SLC26A4: variants seen among roughly 807,000 people sequenced by gnomAD.
SLC26A4 encodes the protein solute carrier family 26 member 4.
A neutral mutation model predicts 90.4 loss-of-function variants in SLC26A4; 93 were observed. The ratio of observed to expected loss-of-function variants is 1.03; its 90% confidence interval spans 0.87 to 1.22. SLC26A4 has a LOEUF of 1.22. SLC26A4 is among the 50% of genes most tolerant of loss of function. SLC26A4 has a pLI of 0.00. For synonymous variants in SLC26A4, 393 were observed against 354.6 expected (o/e 1.11, Z -1.22); for missense variants, 1,127 against 946.2 (o/e 1.19, Z -2.51).
intron 17 of SLC26A4, among the ~76,000 whole-genome samples, chr7:107,703,946 C>T (rs576676209): frequency 2.0e-5 from 3 of 152,160 alleles, no homozygotes; most frequent in Non-Finnish European, 4.4e-5. Flanking sequence ...CACTGACATT[C>T]AAAATAGAGG....
intron 6 of SLC26A4, among the ~76,000 whole-genome samples, chr7:107,676,673 C>T (rs953506968): frequency 1.3e-5 from 2 of 152,038 alleles, no homozygotes; most frequent in Non-Finnish European, 2.9e-5. Flanking sequence ...TTTAAAGACC[C>T]ACCTATTAGC....
intron 10 of SLC26A4, chr7:107,691,688 T>C (rs1791583526): frequency 2.7e-6 from 1 of 367,934 alleles, no homozygotes. Context: ...TAATGGATCT[T>C]GTGACAGACT....
At chr7:107,686,964 C>T (rs1249784573) in intron 8 of SLC26A4, among the ~76,000 whole-genome samples, 3 of 152,110 alleles carry the variant, frequency 2.0e-5, no homozygotes, top group African/African-American at 7.2e-5. Context: ...GGTTTTTTTC[C>T]TGGCTGCTTT....
rs370827220 is a variant in SLC26A4 at position 107,701,804 on chromosome 7, T to C, written c.1804-23T>C. 8.3e-5 allele frequency: 116 copies of C among 1,394,282 alleles called. No homozygotes were observed. The highest frequency in any genetic ancestry group is 1.5e-4 in the Admixed American group (9 of 59,694). 86.4% of individuals were successfully genotyped at this position (1,394,282 alleles called of 1,614,324 possible). ...AGATTTCAAATCTTTGACAATTAAG[T>C]TGACAGTGTTTTCTTCGTTTAGAAT... On this transcript the variant is annotated intron_variant, in intron 16 of 20. Coordinates refer to ENST00000644269, the MANE Select transcript of SLC26A4 (RefSeq NM_000441.2).
rs753688008 is a variant in SLC26A4, at chr7:107,683,254, C to T, written c.818C>T (p.Thr273Ile). The T allele has an allele frequency of 4.3e-6, 7 of 1,613,112 alleles. No individual in the cohort carries two copies. In the East Asian group the frequency reaches 1.3e-4, roughly 31 times the overall value. ...NIGDTNLADF[T>I]AGLLTIVVCM... Reference sequence around the variant, plus strand: ...GGTGATACCAATCTTGCTGATTTCACTGCTGGATTGCTCACCATTGTCGTC... The same window carrying T: ...GGTGATACCAATCTTGCTGATTTCATTGCTGGATTGCTCACCATTGTCGTC... The change falls in exon 7 of 21, where the codon ACT becomes ATT. Residue 273 changes from threonine (T) to isoleucine (I), a missense_variant. Physicochemically the swap from Thr to Ile is moderately conservative, Grantham distance 89 (BLOSUM62 -1). Coordinates refer to ENST00000644269, the MANE Select transcript of SLC26A4 (RefSeq NM_000441.2).
chr7:107,684,310 A>G (rs1418261419), intron 8 of SLC26A4, among the ~76,000 whole-genome samples: 1 of 152,192 alleles, frequency 6.6e-6, no homozygotes, highest in Non-Finnish European at 1.5e-5. Context: ...ATCAAGAAGT[A>G]CTAGTTTTCC....
At chr7:107,704,144 G>C (rs1791974502) in intron 17 of SLC26A4, among the ~76,000 whole-genome samples, 187 bp from the exon 18 acceptor site, 1 of 152,158 alleles carries the variant, frequency 6.6e-6, no homozygotes, top group South Asian at 2.1e-4. Flanking sequence ...CATCTCTTGA[G>C]ATATAATCCT....
At chr7:107,693,309 T>G (rs1307408595) in intron 10 of SLC26A4, 2 of 985,334 alleles carry the variant, frequency 2.0e-6, no homozygotes, top group East Asian at 1.1e-4. Context: ...CAAAGCACGC[T>G]TTTTAGTACC....
At chr7:107,690,275 C>CA (rs1562833335) in intron 10 of SLC26A4, 38 bp downstream of exon 10, 1 of 1,229,496 alleles carries the variant, frequency 8.1e-7, no homozygotes, top group Non-Finnish European at 1.2e-6. Flanking sequence ...TCTCAGAGAA[C>CA]AAGTCGAGGA....
At chr7:107,699,937 A>T (rs1488954846) in intron 14 of SLC26A4, 146 bp from the exon 15 acceptor site, 1 of 641,476 alleles carries the variant, frequency 1.6e-6, no homozygotes, top group African/African-American at 1.9e-5. Flanking sequence ...CAAAAAAAAA[A>T]AAAAAAGAAA....
intron 4 of SLC26A4, 118 bp downstream of exon 4, chr7:107,672,366 ACTTT>A (rs1317425518): frequency 1.4e-3 from 412 of 293,678 alleles, no homozygotes; most frequent in South Asian, 8.0e-3. Flanking sequence ...TCACAATTAT[ACTTT>A]TAATTGTGAA....
chr7:107,692,490 A>T (rs78135467), intron 10 of SLC26A4, among the ~76,000 whole-genome samples: 1 of 152,330 alleles, frequency 6.6e-6, no homozygotes, highest in East Asian at 1.9e-4. Context: ...GTAAATGCTC[A>T]TTGTTTCACT....
rs148479436 is a variant in SLC26A4, at chr7:107,684,835, G to A, written c.1001+1298G>A. Among the ~76,000 whole-genome samples, 779 of 152,278 alleles carry A rather than the reference G, an allele frequency of 5.1e-3. 5 individuals are homozygous for A. The highest frequency in any genetic ancestry group is 0.017 in the African/African-American group (727 of 41,556). ...TTAGTTAGAAACAATTACAGAAAAA[G>A]ATACTTTACAGATCTCTTTTGTCAG... On this transcript the variant is annotated intron_variant, in intron 8 of 20. Coordinates refer to ENST00000644269, the MANE Select transcript of SLC26A4 (RefSeq NM_000441.2).
Position 107,661,865 on chromosome 7 carries a change from G to A in SLC26A4, c.164+60G>A. 2.0e-6 allele frequency: 3 copies of A among 1,496,504 alleles called. No individual in the cohort carries two copies. Among genetic ancestry groups the A allele is most frequent in the Non-Finnish European group, 1.8e-6 (2 of 1,119,654 alleles). 92.7% of individuals were successfully genotyped at this position (1,496,504 alleles called of 1,614,324 possible). A position where few individuals can be genotyped will look rare whatever the true frequency, so the allele number is the denominator to read the frequency against. On this transcript the variant is annotated intron_variant, in intron 2 of 20. Coordinates refer to ENST00000644269, the MANE Select transcript of SLC26A4 (RefSeq NM_000441.2). The surrounding 1 kb of genome is among the most constrained non-coding windows in gnomAD (Gnocchi z 5.1). ...GAGCGGGGCGTCCACGCCTTGGGGA[G>A]GGAAGGGCGTCCCCAGCGGGCGAGA...
At chr7:107,683,160 G>T (rs372247354) in intron 6 of SLC26A4, 42 bp from the exon 7 acceptor site, 2 of 1,510,556 alleles carry the variant, frequency 1.3e-6, no homozygotes, top group Non-Finnish European at 1.8e-6. Context: ...GCTCGTGTGC[G>T]TGTAGCAGCA....
chr7:107,669,122 T>C (rs1790795608), intron 3 of SLC26A4, among the ~76,000 whole-genome samples: 1 of 152,126 alleles, frequency 6.6e-6, no homozygotes, highest in Non-Finnish European at 1.5e-5. Context: ...CACCCCCAGC[T>C]AATTTGTGTA....
At chr7:107,671,684 T>G (rs748995673) in intron 3 of SLC26A4, among the ~76,000 whole-genome samples, 3 of 152,182 alleles carry the variant, frequency 2.0e-5, no homozygotes, top group Admixed American at 6.5e-5. Flanking sequence ...AACTGTAAAT[T>G]GAGAGTATCT....
At chr7:107,672,955 C>A (rs1790915280) in intron 4 of SLC26A4, among the ~76,000 whole-genome samples, 1 of 152,188 alleles carries the variant, frequency 6.6e-6, no homozygotes, top group Non-Finnish European at 1.5e-5. Context: ...ATGTCTACCT[C>A]GATGATCCTC....
In SLC26A4 at chr7:107,704,375, A is replaced by G. The variant is rs767770720; in HGVS notation, c.2079A>G (p.Ala693=). The change falls in exon 18 of 21, where the codon GCA becomes GCG. Residue 693 remains alanine, a synonymous_variant. Transcript: ENST00000644269. ...GAATTGATGTGAATGTGTATTTTGC[A>G]TCACTTCAAGGTAAATACATATATC... ...FQRIDVNVYF[A]SLQDYVIEKL... 2.2e-6 allele frequency: 3 copies of G among 1,365,742 alleles called. No homozygotes were observed. The highest frequency in any genetic ancestry group is 3.1e-6 in the Non-Finnish European group (3 of 957,864). 84.6% of individuals were successfully genotyped at this position (1,365,742 alleles called of 1,614,324 possible).
Sources: gnomAD v4.1 joint callset for allele counts (sites outside exome capture counted in the v4.1 genomes callset) on GRCh38, gnomAD v4.1.1 for gene constraint, Gnocchi (gnomAD v3.1) non-coding constraint, MANE v1.5 for transcripts, NCBI Gene and HGNC (gene_info 2026-07-23, HGNC 2026-07-21) for gene names.